NDUFB5: variants seen among roughly 807,000 people sequenced by gnomAD.
The protein encoded by NDUFB5 is NADH:ubiquinone oxidoreductase subunit B5, also known as NADH dehydrogenase [ubiquinone] 1 beta subcomplex subunit 5, mitochondrial.
NDUFB5 carries 19 observed loss-of-function variants against 19.4 expected under a neutral mutation model. That is an observed-to-expected ratio of 0.98 (90% CI 0.68 to 1.43). NDUFB5 has a LOEUF of 1.43. NDUFB5 is among the 40% of genes most tolerant of loss of function. The probability of loss-of-function intolerance (pLI) is 0.00; values close to 1 mark genes in which losing one functional copy is unlikely to be tolerated. For missense variants in NDUFB5, 233 were observed against 236.5 expected (o/e 0.99, Z 0.10); for synonymous variants, 80 against 82.6 (o/e 0.97, Z 0.17).
intron 1 of NDUFB5, among the ~76,000 whole-genome samples, chr3:179,606,427 C>T (rs1465679125): frequency 1.3e-5 from 2 of 152,150 alleles, no homozygotes; most frequent in African/African-American, 4.8e-5. Context: ...CAACCTCTGC[C>T]TCCTGCGTTC....
At chr3:179,620,286 G>A (rs1363680588) in intron 5 of NDUFB5, among the ~76,000 whole-genome samples, 2 of 151,852 alleles carry the variant, frequency 1.3e-5, no homozygotes, top group Non-Finnish European at 1.5e-5. Flanking sequence ...CCTATATCCT[G>A]AATGGTATTG....
chr3:179,612,090 C>A (rs1352573339), intron 1 of NDUFB5, among the ~76,000 whole-genome samples: 1 of 151,942 alleles, frequency 6.6e-6, no homozygotes, highest in African/African-American at 2.4e-5. Flanking sequence ...GCTGGGAGTA[C>A]AAGCATGCAC....
At chr3:179,618,772 A>G (rs1263344495) in intron 5 of NDUFB5, among the ~76,000 whole-genome samples, 1 of 152,082 alleles carries the variant, frequency 6.6e-6, no homozygotes, top group African/African-American at 2.4e-5. Flanking sequence ...AATCACTTCA[A>G]CCTAGGAGGC....
At chr3:179,619,758 C>T (rs1719479745) in intron 5 of NDUFB5, among the ~76,000 whole-genome samples, 1 of 152,104 alleles carries the variant, frequency 6.6e-6, no homozygotes, top group South Asian at 2.1e-4. Flanking sequence ...GTTCTAGATC[C>T]CTGAGGAATC....
Position 179,618,509 on chromosome 3 carries a change from A to G in NDUFB5, c.437A>G (p.Lys146Arg), listed in dbSNP as rs1719442269. 6.2e-7 allele frequency: 1 copy of G among 1,610,662 alleles called. No individual in the cohort carries two copies. The highest frequency in any genetic ancestry group is 1.7e-5 in the Admixed American group (1 of 59,398). The change falls in exon 5 of 6, where the codon AAG (lysine) becomes AGG (arginine). Residue 146 changes from lysine to arginine, a missense_variant. Lys to Arg is a conservative substitution (Grantham distance 26, BLOSUM62 2). Transcript: ENST00000259037. ...GCCGTCCTTCAGATTGAAGCTGAAA[A>G]GGCTGAATTACGGTAGGAAAAACGA... ...TMAVLQIEAEKAELRVKELEV... is the reference protein window; with the variant it reads ...TMAVLQIEAERAELRVKELEV...
chr3:179,605,291 G>C (rs552981772), intron 1 of NDUFB5, among the ~76,000 whole-genome samples: 2 of 152,176 alleles, frequency 1.3e-5, no homozygotes, highest in Non-Finnish European at 2.9e-5. Context: ...TCCCACAGAT[G>C]CAAAGTCATC....
At chr3:179,611,965 A>G (rs1719253273) in intron 1 of NDUFB5, among the ~76,000 whole-genome samples, 1 of 151,734 alleles carries the variant, frequency 6.6e-6, no homozygotes, top group African/African-American at 2.4e-5. Flanking sequence ...CATTGTAAGC[A>G]ATATTCACCC....
chr3:179,609,383 A>T (rs566287180), intron 1 of NDUFB5, among the ~76,000 whole-genome samples: 21 of 152,296 alleles, frequency 1.4e-4, no homozygotes, highest in African/African-American at 4.8e-4. Flanking sequence ...AATGGGCAGC[A>T]CAGCAGAGAA....
In NDUFB5 at chr3:179,609,421, A is replaced by C. The variant is rs936092710; in HGVS notation, c.124+4482A>C. Reference sequence around the variant, plus strand: ...GGCTATCTGCAGAGTCAGGGACTGGAGGGAAGTTTTATAGGGTCATACTGA... The same window carrying C: ...GGCTATCTGCAGAGTCAGGGACTGGCGGGAAGTTTTATAGGGTCATACTGA... On this transcript the variant is annotated intron_variant, in intron 1 of 5. Coordinates refer to ENST00000259037, the MANE Select transcript of NDUFB5 (RefSeq NM_002492.4). 4.6e-5 allele frequency among the ~76,000 whole-genome samples: 7 copies of C among 152,270 alleles called. No homozygotes were observed. In the South Asian group the frequency reaches 1.5e-3, roughly 32 times the overall value.
chr3:179,620,846 C>G (rs978391130), intron 5 of NDUFB5, among the ~76,000 whole-genome samples: 1 of 152,132 alleles, frequency 6.6e-6, no homozygotes, highest in Non-Finnish European at 1.5e-5. Context: ...ATAGCACATG[C>G]TTTTAAACTT....
intron 3 of NDUFB5, 78 bp downstream of exon 3, chr3:179,616,127 A>G: frequency 1.0e-6 from 1 of 987,234 alleles, no homozygotes; most frequent in Non-Finnish European, 1.5e-6. Flanking sequence ...ATAAAAAAGA[A>G]ATTATGGATA....
At chr3:179,617,225 C>T (rs1719405599) in intron 4 of NDUFB5, 181 bp downstream of exon 4, 2 of 433,522 alleles carry the variant, frequency 4.6e-6, no homozygotes, top group Non-Finnish European at 4.1e-6. Context: ...GCAACTTCTG[C>T]CTCCCGCATT....
At chr3:179,619,163 A>AT (rs1404219191) in intron 5 of NDUFB5, among the ~76,000 whole-genome samples, 1 of 125,002 alleles carries the variant, frequency 8.0e-6, no homozygotes, top group Non-Finnish European at 1.7e-5. Context: ...AGACACATAT[A>AT]TTTTTTCCCC....
intron 3 of NDUFB5, 126 bp from the exon 4 acceptor site, chr3:179,616,857 C>T (rs1355664922): frequency 4.5e-6 from 3 of 670,508 alleles, no homozygotes; most frequent in Non-Finnish European, 5.2e-6. Flanking sequence ...TACATATCTT[C>T]ATTGGTACAA....
At chr3:179,616,095 T>C (rs758413024) in intron 3 of NDUFB5, 46 bp downstream of exon 3, 6 of 1,412,578 alleles carry the variant, frequency 4.2e-6, no homozygotes, top group Non-Finnish European at 5.9e-6. Flanking sequence ...TTGGAAAAAT[T>C]TTTAAACATA....
chr3:179,620,273 A>C (rs1214056398), intron 5 of NDUFB5, among the ~76,000 whole-genome samples: 1 of 151,954 alleles, frequency 6.6e-6, no homozygotes, highest in Non-Finnish European at 1.5e-5. Context: ...GTCCTTGCCC[A>C]TGCCTATATC....
intron 1 of NDUFB5, among the ~76,000 whole-genome samples, chr3:179,610,633 A>C (rs1286349051): frequency 6.6e-6 from 1 of 152,130 alleles, no homozygotes; most frequent in African/African-American, 2.4e-5. Flanking sequence ...GCCTTCTACA[A>C]ATTCCTATAG....
chr3:179,605,701 C>T (rs1385900534), intron 1 of NDUFB5, among the ~76,000 whole-genome samples: 2 of 151,840 alleles, frequency 1.3e-5, no homozygotes, highest in East Asian at 3.9e-4. Flanking sequence ...CGTTTTATAC[C>T]AATGCAGTCA....
Position 179,624,460 on chromosome 3 carries a change from C to T in NDUFB5, c.*420C>T, listed in dbSNP as rs1719617146. The T allele has an allele frequency of 1.3e-5, 2 of 153,394 alleles. No homozygotes were observed. The highest frequency in any genetic ancestry group is 4.8e-5 in the African/African-American group (2 of 41,458). The allele number at this position is 153,394 out of a possible 1,614,324, so 9.5% of individuals were successfully genotyped here. A position where few individuals can be genotyped will look rare whatever the true frequency, so the allele number is the denominator to read the frequency against. ...TTGAACCAACTCTAAAATGTTAACT[C>T]CTTAATAAACAGATTCTCAGTAAAC... On this transcript the variant is annotated 3_prime_UTR_variant, in exon 6 of 6. Transcript: ENST00000259037.
Sources: allele counts gnomAD v4.1 joint callset (sites outside exome capture counted in the v4.1 genomes callset), GRCh38; gene constraint gnomAD v4.1.1; transcripts MANE v1.5; gene names NCBI Gene and HGNC (gene_info 2026-07-23, HGNC 2026-07-21).